Variants in CHURC1 observed in about 807,000 individuals in gnomAD.
The protein encoded by CHURC1 is protein Churchill.
Under a neutral mutation model 15.4 loss-of-function variants are expected in CHURC1, and 12 were observed. The observed-to-expected ratio is 0.78, with a 90% CI of 0.50 to 1.27. The LOEUF (loss-of-function observed/expected upper bound fraction) is 1.27. CHURC1 is among the 50% of genes most tolerant of loss of function. The probability of loss-of-function intolerance (pLI) is 0.00; values close to 1 mark genes in which losing one functional copy is unlikely to be tolerated. For missense variants in CHURC1, 132 were observed against 137.8 expected (o/e 0.96, Z 0.21); for synonymous variants, 42 against 47.5 (o/e 0.88, Z 0.48).
At chr14:64,914,599 C>G (rs575107199) in intron 1 of CHURC1, 65 bp downstream of exon 1, 2 of 1,607,312 alleles carry the variant, frequency 1.2e-6, no homozygotes, top group Non-Finnish European at 1.7e-6. Context: ...CCAAGGCTGG[C>G]CTTCCCAGAG....
Position 64,934,204 on chromosome 14 carries a change from C to A in CHURC1, c.*1974C>A. On this transcript the variant is annotated 3_prime_UTR_variant, in exon 4 of 4. Coordinates refer to ENST00000549115, the MANE Select transcript of CHURC1 (RefSeq NM_001386928.1). ...CTAAAAATACAAAAACAAAAATTAG[C>A]CAGGGGTGGTGGTATGCACCTGCAG... is the stretch of plus-strand genomic sequence containing the variant. 2.6e-6 allele frequency: 1 copy of A among 385,280 alleles called. No individual in the cohort carries two copies. The highest frequency in any genetic ancestry group is 3.5e-6 in the Non-Finnish European group (1 of 281,808). The allele number at this position is 385,280 out of a possible 1,614,324, so 23.9% of individuals were successfully genotyped here.
intron 3 of CHURC1, among the ~76,000 whole-genome samples, chr14:64,926,908 T>C (rs1433067301): frequency 1.3e-5 from 2 of 152,210 alleles, no homozygotes; most frequent in African/African-American, 4.8e-5. Context: ...AAAGAAAAGC[T>C]GGGCAGTCGG....
In CHURC1 at chr14:64,930,728, A is replaced by G. The variant is rs1247115979; in HGVS notation, c.247-1410A>G. 9 of 416,794 alleles carry G rather than the reference A, an allele frequency of 2.2e-5. No homozygotes were observed. In the East Asian group the frequency reaches 5.0e-4, roughly 23 times the overall value. 25.8% of individuals were successfully genotyped at this position (416,794 alleles called of 1,614,324 possible). On this transcript the variant is annotated intron_variant, in intron 3 of 3. Transcript: ENST00000549115. ...AATGGCTAGATTGGTTGAAAACTCA[A>G]GTATTTGTTTAGCCTCACACATTTT...
chr14:64,925,352 G>T (rs777374963), intron 2 of CHURC1, among the ~76,000 whole-genome samples: 39 of 152,120 alleles, frequency 2.6e-4, no homozygotes, highest in Non-Finnish European at 4.7e-4. Context: ...TATTATTCAT[G>T]ATAATGAAAG....
At chr14:64,921,107 A>G (rs1162480374) in intron 1 of CHURC1, among the ~76,000 whole-genome samples, 8 of 152,210 alleles carry the variant, frequency 5.3e-5, no homozygotes, top group African/African-American at 1.9e-4. Context: ...AGTGGGGGGA[A>G]AGACAGTTCT....
intron 1 of CHURC1, among the ~76,000 whole-genome samples, chr14:64,916,844 C>T (rs1348227667): frequency 6.6e-6 from 1 of 152,096 alleles, no homozygotes; most frequent in Non-Finnish European, 1.5e-5. Context: ...TCCCAAAGTG[C>T]TAGGATTACA....
chr14:64,931,343 G>A (rs1044107337), intron 3 of CHURC1, among the ~76,000 whole-genome samples: 1 of 152,090 alleles, frequency 6.6e-6, no homozygotes, highest in Non-Finnish European at 1.5e-5. Flanking sequence ...AGGCCACCCT[G>A]GGCAACATAG....
chr14:64,933,462 CCT>C lies in CHURC1; in HGVS notation c.*1237_*1238del, dbSNP rs1885185453. ...AGGAGGTTATAAACTGGCATTTAGGCCTCTCTGCCATTTAGTAGCAGTATAGT... is the reference window on the plus strand; with the variant it reads ...AGGAGGTTATAAACTGGCATTTAGGCCTCTGCCATTTAGTAGCAGTATAGT... On this transcript the variant is annotated 3_prime_UTR_variant, in exon 4 of 4. Transcript: ENST00000549115. 1.0e-6 allele frequency: 1 copy of C among 985,270 alleles called. No individual in the cohort carries two copies. The highest frequency in any genetic ancestry group is 1.2e-6 in the Non-Finnish European group (1 of 829,918). 61.0% of individuals were successfully genotyped at this position (985,270 alleles called of 1,614,324 possible). A position where few individuals can be genotyped will look rare whatever the true frequency, so the allele number is the denominator to read the frequency against.
In CHURC1 at chr14:64,934,895, A is replaced by G. The variant is rs1456857126; in HGVS notation, c.*2665A>G. 6 of 984,160 alleles carry G rather than the reference A, an allele frequency of 6.1e-6. No homozygotes were observed. The highest frequency in any genetic ancestry group is 5.2e-4 in the Middle Eastern group (1 of 1,912). 61.0% of individuals were successfully genotyped at this position (984,160 alleles called of 1,614,324 possible). On this transcript the variant is annotated 3_prime_UTR_variant, in exon 4 of 4. Coordinates refer to ENST00000549115, the MANE Select transcript of CHURC1 (RefSeq NM_001386928.1). ...ATTTAAAACATAAGATCCTCTCTCTATATTTCATTATTGGTGAACCCACAT... is the reference window on the plus strand; with the variant it reads ...ATTTAAAACATAAGATCCTCTCTCTGTATTTCATTATTGGTGAACCCACAT...
chr14:64,916,989 G>T (rs1345893102), intron 1 of CHURC1, among the ~76,000 whole-genome samples: 2 of 152,218 alleles, frequency 1.3e-5, no homozygotes, highest in Non-Finnish European at 2.9e-5. Flanking sequence ...ATAGAGAAAT[G>T]ATTCTGAAAT....
At chr14:64,925,122 G>A (rs1338038967) in intron 2 of CHURC1, among the ~76,000 whole-genome samples, 3 of 152,114 alleles carry the variant, frequency 2.0e-5, no homozygotes, top group Non-Finnish European at 4.4e-5. Context: ...TGGCTCAGTC[G>A]TCTTGCTAGT....
chr14:64,918,277 TAGTG>T (rs771951071), intron 1 of CHURC1, among the ~76,000 whole-genome samples: 62 of 152,116 alleles, frequency 4.1e-4, no homozygotes, highest in Non-Finnish European at 7.6e-4. Flanking sequence ...TAGAAATAAT[TAGTG>T]GGTGGATGTT....
At position 64,934,805 on chromosome 14, in the gene CHURC1, G is replaced by A; in HGVS notation, c.*2575G>A. ...CCAAGAGTCTAATTTTATATGCCCT[G>A]CCAATGTCCTCATCTATTGCAGAAT... On this transcript the variant is annotated 3_prime_UTR_variant, in exon 4 of 4. Transcript: ENST00000549115. The A allele has an allele frequency of 1.0e-6, 1 of 985,336 alleles. No individual in the cohort carries two copies. The highest frequency in any genetic ancestry group is 1.2e-6 in the Non-Finnish European group (1 of 829,904). 61.0% of individuals were successfully genotyped at this position (985,336 alleles called of 1,614,324 possible). A position where few individuals can be genotyped will look rare whatever the true frequency, so the allele number is the denominator to read the frequency against.
At chr14:64,914,789 A>G (rs1035191602) in intron 1 of CHURC1, among the ~76,000 whole-genome samples, 2 of 152,128 alleles carry the variant, frequency 1.3e-5, no homozygotes, top group Non-Finnish European at 2.9e-5. Context: ...CCCCACCACC[A>G]CCACAACCCC....
At chr14:64,931,150 A>G (rs1885056946) in intron 3 of CHURC1, among the ~76,000 whole-genome samples, 1 of 152,256 alleles carries the variant, frequency 6.6e-6, no homozygotes. Context: ...GTTTTTGTAC[A>G]GAGAAAAAGG....
chr14:64,919,635 G>A (rs1191603442), intron 1 of CHURC1, among the ~76,000 whole-genome samples: 2 of 152,098 alleles, frequency 1.3e-5, no homozygotes, highest in East Asian at 3.9e-4. Flanking sequence ...GTAATCCCAG[G>A]ACCTTCGGAG....
In CHURC1 at chr14:64,926,000, GT is replaced by G. The variant is rs778514172; in HGVS notation, c.176-6del. On this transcript the variant is annotated splice_polypyrimidine_tract_variant and intron_variant, in intron 2 of 3. Coordinates refer to ENST00000549115, the MANE Select transcript of CHURC1 (RefSeq NM_001386928.1). ...GACTTAATTACGTAAGTCTCTCTTT[GT>G]TTTAGCAGATTTGTGTAAGAATTGT... 8 of 1,590,804 alleles carry G rather than the reference GT, an allele frequency of 5.0e-6. No individual in the cohort carries two copies. In the Admixed American group the frequency reaches 1.4e-4, roughly 28 times the overall value.
At position 64,914,532 on chromosome 14, in the gene CHURC1, CG is replaced by C; in HGVS notation, c.39+1del. 1 of 1,614,214 alleles carries C rather than the reference CG, an allele frequency of 6.2e-7. No homozygotes were observed. Among genetic ancestry groups the C allele is most frequent in the Non-Finnish European group, 8.5e-7 (1 of 1,180,012 alleles). Reference protein sequence around the residue: ...GDCVEKEYPNRGNTCLENGSF... With the variant: ...GDCVEKEYPNXGNTCLENGSF... ...CTGTGTGGAGAAGGAATATCCCAAC[CG>C]GGTGAGCGACTGGGCGCTCCCTTGG... On this transcript the variant is annotated frameshift_variant and splice_region_variant, in exon 1 of 4. Coordinates refer to ENST00000549115, the MANE Select transcript of CHURC1 (RefSeq NM_001386928.1). LOFTEE classifies it high-confidence loss of function.
At chr14:64,925,395 G>A (rs572024427) in intron 2 of CHURC1, among the ~76,000 whole-genome samples, 1 of 152,274 alleles carries the variant, frequency 6.6e-6, no homozygotes, top group African/African-American at 2.4e-5. Flanking sequence ...CAGCTGGGAT[G>A]GGTGCGGTGG....
Sources: gnomAD v4.1 joint callset for allele counts (sites outside exome capture counted in the v4.1 genomes callset) on GRCh38, gnomAD v4.1.1 for gene constraint, MANE v1.5 for transcripts, NCBI Gene and HGNC (gene_info 2026-07-23, HGNC 2026-07-21) for gene names.